Variants in FNTB observed in about 807,000 individuals in gnomAD.
FNTB encodes protein farnesyltransferase subunit beta.
In FNTB, 27 loss-of-function variants were observed where a neutral mutation model predicts 59.4. The ratio of observed to expected loss-of-function variants is 0.45; its 90% CI spans 0.34 to 0.63. FNTB has a LOEUF of 0.63. FNTB is among the 20% of genes least tolerant of loss of function. The pLI is 0.02. For missense variants in FNTB, 449 were observed against 559.6 expected (o/e 0.80, Z 1.99); for synonymous variants, 230 against 220.7 (o/e 1.04, Z -0.37).
At position 65,031,044 on chromosome 14, in the gene FNTB, A is replaced by G. The variant is rs2062071576; in HGVS notation, c.606-1566A>G. ...GCTAGTCTCGAACTCCTGACCTCAA[A>G]TAATCCACCTGCCTTAGCCTCCCAA... On this transcript the variant is annotated intron_variant, in intron 6 of 11. Transcript: ENST00000246166. The surrounding 1 kb of genome is among the most constrained non-coding windows in gnomAD (Gnocchi z 4.6). Among the ~76,000 whole-genome samples, 1 of 151,994 alleles carries G rather than the reference A, an allele frequency of 6.6e-6. No homozygotes were observed. The highest frequency in any genetic ancestry group is 6.5e-5 in the Admixed American group (1 of 15,270).
intron 1 of FNTB, among the ~76,000 whole-genome samples, chr14:64,993,249 G>A (rs543573240): frequency 2.0e-5 from 3 of 152,310 alleles, no homozygotes; most frequent in South Asian, 4.1e-4. Context: ...GCAACAGGGT[G>A]AGACTCCATC....
At chr14:65,019,286 A>T (rs2061842845) in intron 4 of FNTB, among the ~76,000 whole-genome samples, 1 of 152,214 alleles carries the variant, frequency 6.6e-6, no homozygotes, top group Non-Finnish European at 1.5e-5. Flanking sequence ...CAGGAGTTCG[A>T]GACCAGTCTG....
At chr14:65,018,255 A>C (rs1009266997) in intron 4 of FNTB, among the ~76,000 whole-genome samples, 1 of 152,130 alleles carries the variant, frequency 6.6e-6, no homozygotes, top group Non-Finnish European at 1.5e-5. Context: ...ACAGGAGTTC[A>C]GGGGTTTGAG....
intron 11 of FNTB, among the ~76,000 whole-genome samples, chr14:65,055,173 CAGTT>C (rs1013234621): frequency 2.0e-5 from 3 of 150,580 alleles, no homozygotes; most frequent in African/African-American, 7.3e-5. Flanking sequence ...GTACTTTACT[CAGTT>C]GGTGGTGTGT....
chr14:65,058,972 A>G (rs1382984649), intron 11 of FNTB, among the ~76,000 whole-genome samples: 1 of 152,144 alleles, frequency 6.6e-6, no homozygotes, highest in Non-Finnish European at 1.5e-5. Context: ...GGATAATATC[A>G]TAGCCTCATA....
At position 65,001,814 on chromosome 14, in the gene FNTB, A is replaced by C. The variant is rs994876530; in HGVS notation, c.145-2435A>C. Among the ~76,000 whole-genome samples, 3 of 152,222 alleles carry C rather than the reference A, an allele frequency of 2.0e-5. No individual in the cohort carries two copies. Among genetic ancestry groups the C allele is most frequent in the Non-Finnish European group, 2.9e-5 (2 of 68,036 alleles). Reference sequence around the variant, plus strand: ...TAGCTGCATGAGTGTCAGGAATGGAAAAAGAATTATGATTCTGGGACAACT... The same window carrying C: ...TAGCTGCATGAGTGTCAGGAATGGACAAAGAATTATGATTCTGGGACAACT... On this transcript the variant is annotated intron_variant, in intron 1 of 11. Transcript: ENST00000246166. This position sits in a 1 kb window ranked among gnomAD's most constrained non-coding sequence, Gnocchi z 5.5.
chr14:65,035,452 C>T (rs1049669219), intron 7 of FNTB, among the ~76,000 whole-genome samples: 1 of 152,176 alleles, frequency 6.6e-6, no homozygotes, highest in Non-Finnish European at 1.5e-5. Context: ...AGATACGGAA[C>T]TCAGACAGCC....
In FNTB at chr14:65,040,704, C is replaced by A. The variant is rs747525155; in HGVS notation, c.693-86C>A. Reference sequence around the variant, plus strand: ...TGGTTCACACCTTAATCTGAGTGAACTTTTTCTCTGCCACCTAGGATGGTC... The same window carrying A: ...TGGTTCACACCTTAATCTGAGTGAAATTTTTCTCTGCCACCTAGGATGGTC... On this transcript the variant is annotated intron_variant, in intron 7 of 11. Transcript: ENST00000246166. 216 of 1,325,456 alleles carry A rather than the reference C, an allele frequency of 1.6e-4. 1 individual carries two copies. The highest frequency in any genetic ancestry group is 6.4e-4 in the Middle Eastern group (2 of 3,120). The allele number at this position is 1,325,456 out of a possible 1,614,324, so 82.1% of individuals were successfully genotyped here. A position where few individuals can be genotyped will look rare whatever the true frequency, so the allele number is the denominator to read the frequency against.
Position 65,061,268 on chromosome 14 carries a change from G to T in FNTB, c.1270G>T (p.Glu424Ter). 1 of 1,614,154 alleles carries T rather than the reference G, an allele frequency of 6.2e-7. No individual in the cohort carries two copies. Residue 424 changes from glutamate to a stop codon, truncating the protein, a stop_gained, in exon 12 of 12, where the codon GAG (glutamate) becomes TAG (stop). Coordinates refer to ENST00000246166, the MANE Select transcript of FNTB (RefSeq NM_002028.4). LOFTEE classifies it high-confidence loss of function. ...TCTACAGAAGCCAGTCCCAGGTTTTGAGGAGCTTAAGGATGAGACATCGGC... is the reference window on the plus strand; with the variant it reads ...TCTACAGAAGCCAGTCCCAGGTTTTTAGGAGCTTAAGGATGAGACATCGGC... ...YFLQKPVPGF[E>*]ELKDETSAEP...
At chr14:65,004,367 G>A in intron 2 of FNTB, 54 bp downstream of exon 2, 3 of 1,567,230 alleles carry the variant, frequency 1.9e-6, no homozygotes, top group South Asian at 1.2e-5. Flanking sequence ...CCATGCAGCA[G>A]CCTTTCTTCT....
intron 3 of FNTB, 150 bp from the exon 4 acceptor site, chr14:65,015,475 A>G (rs2061755383): frequency 2.2e-6 from 1 of 464,444 alleles, no homozygotes; most frequent in Non-Finnish European, 3.7e-6. Context: ...GCCACAAAGC[A>G]AAGTGTCCTT....
chr14:64,987,954 A>G (rs555337476), intron 1 of FNTB, among the ~76,000 whole-genome samples: 1 of 152,220 alleles, frequency 6.6e-6, no homozygotes, highest in African/African-American at 2.4e-5. Context: ...AATTCTTAAC[A>G]CTAATAAATG....
chr14:65,045,968 A>C (rs2062467684), intron 9 of FNTB, among the ~76,000 whole-genome samples: 1 of 152,146 alleles, frequency 6.6e-6, no homozygotes, highest in Non-Finnish European at 1.5e-5. Context: ...GGAATTCCCC[A>C]AGTCAAACAT....
intron 8 of FNTB, 113 bp downstream of exon 8, chr14:65,041,032 G>T (rs1440467148): frequency 6.7e-7 from 1 of 1,495,150 alleles, no homozygotes; most frequent in African/African-American, 1.4e-5. Flanking sequence ...AAGAGAGTTA[G>T]CTCTGTTCCA....
intron 11 of FNTB, among the ~76,000 whole-genome samples, chr14:65,060,891 A>C (rs188721203): frequency 0.07 from 9,887 of 141,612 alleles, 493 homozygotes; most frequent in East Asian, 0.26. Flanking sequence ...AAAAAAAAAA[A>C]AAAACAGTTT....
intron 8 of FNTB, among the ~76,000 whole-genome samples, chr14:65,041,398 C>T: frequency 6.6e-6 from 1 of 152,164 alleles, no homozygotes; most frequent in East Asian, 1.9e-4. Context: ...GTCTGGACCC[C>T]ACGCTCCTGG....
intron 7 of FNTB, among the ~76,000 whole-genome samples, chr14:65,037,255 G>A (rs2062213340): frequency 6.7e-6 from 1 of 149,144 alleles, no homozygotes; most frequent in Non-Finnish European, 1.5e-5. Context: ...AGAAGCCCAC[G>A]ACCACGCCCA....
At chr14:65,041,402 C>T (rs2062349870) in intron 8 of FNTB, among the ~76,000 whole-genome samples, 1 of 152,170 alleles carries the variant, frequency 6.6e-6, no homozygotes, top group East Asian at 1.9e-4. Flanking sequence ...GGACCCCACG[C>T]TCCTGGCCAG....
Position 65,054,388 on chromosome 14 carries a change from G to T in FNTB, c.1068-187G>T, listed in dbSNP as rs10130037. Among the ~76,000 whole-genome samples, 1 of 151,442 alleles carries T rather than the reference G, an allele frequency of 6.6e-6. No homozygotes were observed. Among genetic ancestry groups the T allele is most frequent in the East Asian group, 2.0e-4 (1 of 5,054 alleles). ...AGCCTCCTGCTTGCTGGGATTATGGGTGTGAGCCACTGTGCTCAGCCAGTG... is the reference window on the plus strand; with the variant it reads ...AGCCTCCTGCTTGCTGGGATTATGGTTGTGAGCCACTGTGCTCAGCCAGTG... On this transcript the variant is annotated intron_variant, in intron 10 of 11. Transcript: ENST00000246166. This position sits in a 1 kb window ranked among gnomAD's most constrained non-coding sequence, Gnocchi z 4.4.
Sources: gnomAD v4.1 joint callset for allele counts (sites outside exome capture counted in the v4.1 genomes callset) on GRCh38, gnomAD v4.1.1 for gene constraint, Gnocchi (gnomAD v3.1) non-coding constraint, MANE v1.5 for transcripts, NCBI Gene and HGNC (gene_info 2026-07-23, HGNC 2026-07-21) for gene names.